The following ISL1 variants were observed in gnomAD, a reference collection of about 807,000 sequenced individuals.
ISL1 encodes ISL LIM homeobox 1.
A neutral mutation model predicts 35.3 loss-of-function variants in ISL1; 4 were observed. The ratio of observed to expected loss-of-function variants is 0.11; its 90% CI spans 0.06 to 0.26. ISL1 has a LOEUF of 0.26. Ranked by LOEUF, ISL1 falls within the 10% of genes least tolerant of loss-of-function variation. The probability of loss-of-function intolerance (pLI) is 1.00; values close to 1 mark genes in which losing one functional copy is unlikely to be tolerated. For missense variants in ISL1, 340 were observed against 472.8 expected (o/e 0.72, Z 2.60); for synonymous variants, 186 against 172.3 (o/e 1.08, Z -0.62).
rs1030338125 is a variant in ISL1, at chr5:51,394,115, G to A, written c.*505G>A. On this transcript the variant is annotated 3_prime_UTR_variant, in exon 6 of 6. Transcript: ENST00000230658. The stretch of plus-strand genomic sequence containing the variant: ...CCTTTCAGGAAGGTGGAGCTGCATT[G>A]GTTTGATATGTTTAAAGTTGACTTT... 2 of 176,660 alleles carry A rather than the reference G, an allele frequency of 1.1e-5. No homozygotes were observed. The highest frequency in any genetic ancestry group is 1.3e-4 in the South Asian group (1 of 7,626). 10.9% of individuals were successfully genotyped at this position (176,660 alleles called of 1,614,324 possible). A position where few individuals can be genotyped will look rare whatever the true frequency, so the allele number is the denominator to read the frequency against.
chr5:51,384,391 A>G (rs1349364323), intron 1 of ISL1, 150 bp from the exon 2 acceptor site: 2 of 654,866 alleles, frequency 3.1e-6, no homozygotes, highest in South Asian at 1.9e-5. Context: ...ACCATCCCAA[A>G]GTGCAATGCT....
intron 4 of ISL1, among the ~76,000 whole-genome samples, chr5:51,390,247 C>T (rs1561208079): frequency 6.6e-6 from 1 of 152,198 alleles, no homozygotes; most frequent in Non-Finnish European, 1.5e-5. Context: ...CCGTCCTCCC[C>T]TCTGAGGGCA....
chr5:51,394,469 GT>G lies in ISL1; in HGVS notation c.*862del, dbSNP rs2111862731. The stretch of plus-strand genomic sequence containing the variant: ...GAAAAAAAAAAAGGAAACTTTTTTT[GT>G]TTGCTCTTGCATTGCAAAAATTATA... On this transcript the variant is annotated 3_prime_UTR_variant, in exon 6 of 6. Coordinates refer to ENST00000230658, the MANE Select transcript of ISL1 (RefSeq NM_002202.3). 1 of 147,146 alleles carries G rather than the reference GT, an allele frequency of 6.8e-6. No individual in the cohort carries two copies. Among genetic ancestry groups the G allele is most frequent in the African/African-American group, 2.5e-5 (1 of 39,752 alleles). The allele number at this position is 147,146 out of a possible 1,614,324, so 9.1% of individuals were successfully genotyped here.
Position 51,387,910 on chromosome 5 carries a change from G to A in ISL1, c.478+161G>A, listed in dbSNP as rs1747389736. Among the ~76,000 whole-genome samples, 1 of 152,268 alleles carries A rather than the reference G, an allele frequency of 6.6e-6. No homozygotes were observed. Among genetic ancestry groups the A allele is most frequent in the South Asian group, 2.1e-4 (1 of 4,838 alleles). ...TTGCGCTGTGCTCTGCTCCTTTGCAGCAAGGTTCAATGCACTCACTGTCTC... is the reference window on the plus strand; with the variant it reads ...TTGCGCTGTGCTCTGCTCCTTTGCAACAAGGTTCAATGCACTCACTGTCTC... On this transcript the variant is annotated intron_variant, in intron 3 of 5. Coordinates refer to ENST00000230658, the MANE Select transcript of ISL1 (RefSeq NM_002202.3). This position sits in a 1 kb window ranked among gnomAD's most constrained non-coding sequence, Gnocchi z 4.3.
Position 51,393,668 on chromosome 5 carries a change from G to A in ISL1, c.*58G>A, listed in dbSNP as rs993221084. ...GGAGAAAGTGGGAAATTATAATGTCGAACTCTGAAACAAAAGTATTTAACG... is the reference window on the plus strand; with the variant it reads ...GGAGAAAGTGGGAAATTATAATGTCAAACTCTGAAACAAAAGTATTTAACG... On this transcript the variant is annotated 3_prime_UTR_variant, in exon 6 of 6. Coordinates refer to ENST00000230658, the MANE Select transcript of ISL1 (RefSeq NM_002202.3). 3.8e-5 allele frequency: 41 copies of A among 1,082,638 alleles called. No homozygotes were observed. Among genetic ancestry groups the A allele is most frequent in the Non-Finnish European group, 4.9e-5 (34 of 695,314 alleles). 67.1% of individuals were successfully genotyped at this position (1,082,638 alleles called of 1,614,324 possible).
intron 4 of ISL1, among the ~76,000 whole-genome samples, chr5:51,390,415 A>G (rs569943972): frequency 1.6e-3 from 247 of 152,082 alleles, no homozygotes; most frequent in Non-Finnish European, 1.9e-3. Context: ...CCGCACTTCT[A>G]AGTAAGGTCG....
At position 51,383,448 on chromosome 5, in the gene ISL1, G is replaced by A; in HGVS notation, c.-224G>A. 3 of 615,388 alleles carry A rather than the reference G, an allele frequency of 4.9e-6. No homozygotes were observed. Among genetic ancestry groups the A allele is most frequent in the Non-Finnish European group, 5.8e-6 (2 of 345,218 alleles). The allele number at this position is 615,388 out of a possible 1,614,324, so 38.1% of individuals were successfully genotyped here. A position where few individuals can be genotyped will look rare whatever the true frequency, so the allele number is the denominator to read the frequency against. ...GGAAGAGAGGTGCCCGAGCCGCGCC[G>A]AGTCTGCCGCCGCCGCAGCGCCTCC... On this transcript the variant is annotated 5_prime_UTR_variant, in exon 1 of 6. Transcript: ENST00000230658.
Position 51,383,495 on chromosome 5 carries a change from T to A in ISL1, c.-177T>A, listed in dbSNP as rs1190263346. 4.6e-6 allele frequency: 3 copies of A among 658,430 alleles called. No individual in the cohort carries two copies. The African/African-American group carries it at 5.5e-5, about 12-fold the overall frequency. 40.8% of individuals were successfully genotyped at this position (658,430 alleles called of 1,614,324 possible). A position where few individuals can be genotyped will look rare whatever the true frequency, so the allele number is the denominator to read the frequency against. On this transcript the variant is annotated 5_prime_UTR_variant, in exon 1 of 6. Transcript: ENST00000230658. ...CTCCGCTCCGCCAACTCCGCCGGCT[T>A]AAATTGGACTCCTAGATCCGCGAGG...
chr5:51,387,430 C>T lies in ISL1; in HGVS notation c.219-60C>T. On this transcript the variant is annotated intron_variant, in intron 2 of 5. Transcript: ENST00000230658. This position sits in a 1 kb window ranked among gnomAD's most constrained non-coding sequence, Gnocchi z 4.3. Reference sequence around the variant, plus strand: ...GGGAAGTGCCGGCCTGAAGTGACCCCCTCTTCCTGTACTTCTCTCCCCGCT... The same window carrying T: ...GGGAAGTGCCGGCCTGAAGTGACCCTCTCTTCCTGTACTTCTCTCCCCGCT... 1 of 1,587,086 alleles carries T rather than the reference C, an allele frequency of 6.3e-7. No individual in the cohort carries two copies. The highest frequency in any genetic ancestry group is 1.1e-5 in the South Asian group (1 of 88,506).
In ISL1 at chr5:51,383,532, C is replaced by A; in HGVS notation, c.-140C>A. 1.3e-6 allele frequency: 1 copy of A among 791,286 alleles called. No homozygotes were observed. Among genetic ancestry groups the A allele is most frequent in the Non-Finnish European group, 2.3e-6 (1 of 442,608 alleles). The allele number at this position is 791,286 out of a possible 1,614,324, so 49.0% of individuals were successfully genotyped here. A position where few individuals can be genotyped will look rare whatever the true frequency, so the allele number is the denominator to read the frequency against. On this transcript the variant is annotated 5_prime_UTR_variant, in exon 1 of 6. Coordinates refer to ENST00000230658, the MANE Select transcript of ISL1 (RefSeq NM_002202.3). ...CTAGATCCGCGAGGGCGCGGCGCAG[C>A]CGAGCAGCGGCTCTTTCAGCATTGG...
rs533742815 is a variant in ISL1 at position 51,389,308 on chromosome 5, G to A, written c.479-338G>A. 6.6e-6 allele frequency among the ~76,000 whole-genome samples: 1 copy of A among 152,276 alleles called. No homozygotes were observed. The highest frequency in any genetic ancestry group is 1.9e-4 in the East Asian group (1 of 5,160). On this transcript the variant is annotated intron_variant, in intron 3 of 5. Coordinates refer to ENST00000230658, the MANE Select transcript of ISL1 (RefSeq NM_002202.3). This position sits in a 1 kb window ranked among gnomAD's most constrained non-coding sequence, Gnocchi z 5.0. ...AAAAATGCCACCCCTGCTGTGAACA[G>A]GGGGACAGACTTTGAGACCTGCTTC...
chr5:51,386,700 C>T (rs1340172450), intron 2 of ISL1: 16 of 444,156 alleles, frequency 3.6e-5, no homozygotes, highest in South Asian at 1.3e-4. Flanking sequence ...TCATGGTTTT[C>T]AAGAAAATTG....
intron 2 of ISL1, 74 bp downstream of exon 2, chr5:51,384,804 T>A: frequency 7.1e-7 from 1 of 1,406,844 alleles, no homozygotes; most frequent in Non-Finnish European, 1.0e-6. Context: ...TATTATTTGG[T>A]GTGGCTTTGT....
At chr5:51,388,958 C>T (rs983684994) in intron 3 of ISL1, among the ~76,000 whole-genome samples, 1 of 152,170 alleles carries the variant, frequency 6.6e-6, no homozygotes, top group African/African-American at 2.4e-5. Flanking sequence ...ATCTCAGGAA[C>T]ATCCATGTAT....
chr5:51,387,351 C>G lies in ISL1; in HGVS notation c.219-139C>G, dbSNP rs894384314. The G allele has an allele frequency of 2.3e-6, 2 of 882,002 alleles. No homozygotes were observed. The highest frequency in any genetic ancestry group is 3.6e-6 in the Non-Finnish European group (2 of 550,112). The allele number at this position is 882,002 out of a possible 1,614,324, so 54.6% of individuals were successfully genotyped here. ...TTCATTTCTGTCCTTCTGTTTCCAA[C>G]TTCTGTTTGGAAATGCTGTTTACTT... On this transcript the variant is annotated intron_variant, in intron 2 of 5. Transcript: ENST00000230658. This position sits in a 1 kb window ranked among gnomAD's most constrained non-coding sequence, Gnocchi z 4.3.
Position 51,391,129 on chromosome 5 carries a change from G to A in ISL1, c.766-145G>A, listed in dbSNP as rs150160093. ...ACAAATTGAATTCTAACTAATATCC[G>A]TAGGTACGGCGGATTAACTGAGTCA... On this transcript the variant is annotated intron_variant, in intron 4 of 5. Transcript: ENST00000230658. 990 of 736,768 alleles carry A rather than the reference G, an allele frequency of 1.3e-3. 3 individuals are homozygous for A. The highest frequency in any genetic ancestry group is 7.1e-3 in the African/African-American group (399 of 56,430). 45.6% of individuals were successfully genotyped at this position (736,768 alleles called of 1,614,324 possible).
Position 51,391,311 on chromosome 5 carries a change from C to T in ISL1, c.803C>T (p.Ala268Val), listed in dbSNP as rs1404835983. 5.0e-6 allele frequency: 8 copies of T among 1,613,266 alleles called. No homozygotes were observed. The highest frequency in any genetic ancestry group is 6.8e-6 in the Non-Finnish European group (8 of 1,179,986). ...QGMTGTPMVA[A>V]SPERHDGGLQ... ...ATGACAGGAACTCCCATGGTGGCTG[C>T]CAGTCCAGAGAGACACGACGGTGGC... Residue 268 changes from alanine (A) to valine (V), a missense_variant, in exon 5 of 6, where the codon GCC (alanine) becomes GTC (valine). Physicochemically the swap from Ala to Val is moderately conservative, Grantham distance 64. Coordinates refer to ENST00000230658, the MANE Select transcript of ISL1 (RefSeq NM_002202.3).
At chr5:51,386,611 T>C in intron 2 of ISL1, 1 of 456,172 alleles carries the variant, frequency 2.2e-6, no homozygotes, top group Non-Finnish European at 4.4e-6. Context: ...ATGGAACCTA[T>C]AAAGATTGTC....
chr5:51,394,189 G>A lies in ISL1; in HGVS notation c.*579G>A, dbSNP rs1412781211. Reference sequence around the variant, plus strand: ...GGGTCTCTTGGCCTGTCCTGTAGCTGGTTTATTTTTTACTTTGCCCCCTCC... The same window carrying A: ...GGGTCTCTTGGCCTGTCCTGTAGCTAGTTTATTTTTTACTTTGCCCCCTCC... On this transcript the variant is annotated 3_prime_UTR_variant, in exon 6 of 6. Coordinates refer to ENST00000230658, the MANE Select transcript of ISL1 (RefSeq NM_002202.3). 2 of 153,102 alleles carry A rather than the reference G, an allele frequency of 1.3e-5. No individual in the cohort carries two copies. The highest frequency in any genetic ancestry group is 6.5e-5 in the Admixed American group (1 of 15,342). The allele number at this position is 153,102 out of a possible 1,614,324, so 9.5% of individuals were successfully genotyped here.
Sources: gnomAD v4.1 joint callset for allele counts (sites outside exome capture counted in the v4.1 genomes callset) on GRCh38, gnomAD v4.1.1 for gene constraint, Gnocchi (gnomAD v3.1) non-coding constraint, MANE v1.5 for transcripts, NCBI Gene and HGNC (gene_info 2026-07-23, HGNC 2026-07-21) for gene names.